Variants in GRIK1 observed in about 807,000 individuals in gnomAD.
GRIK1 encodes glutamate ionotropic receptor kainate type subunit 1.
In GRIK1, 69 loss-of-function variants were observed where a neutral mutation model predicts 105.7. The observed-to-expected ratio is 0.65, with a 90% CI of 0.54 to 0.80. GRIK1 has a LOEUF of 0.80. Among genes scored for constraint, GRIK1 ranks in the 30% least tolerant of loss-of-function variants. The pLI is 0.00. For missense variants in GRIK1, 1,109 were observed against 1,167.3 expected, an observed-to-expected ratio of 0.95 and a Z score of 0.73; for synonymous variants, 438 against 431.3, an observed-to-expected ratio of 1.02 and a Z score of -0.19.
rs60714322 is a variant in GRIK1, at chr21:29,759,361, G to T, written c.119-65298C>A. On this transcript the variant is annotated intron_variant, in intron 1 of 17. Transcript: ENST00000327783. ...CTCAAGTCTCCTGATCTCGTGATCC[G>T]CCCGCCTCGGCCTCCTAAAGTGCTG... Among the ~76,000 whole-genome samples the T allele has an allele frequency of 5.3e-4, 81 of 152,110 alleles. No homozygotes were observed. In the East Asian group the frequency reaches 0.011, roughly 21 times the overall value.
At chr21:29,842,859 A>C (rs2068017725) in intron 1 of GRIK1, among the ~76,000 whole-genome samples, 1 of 152,228 alleles carries the variant, frequency 6.6e-6, no homozygotes, top group African/African-American at 2.4e-5. Context: ...CAACACTCAC[A>C]GTTTAATACC....
At chr21:29,637,117 C>T (rs1366550884) in intron 7 of GRIK1, among the ~76,000 whole-genome samples, 2 of 152,148 alleles carry the variant, frequency 1.3e-5, no homozygotes, top group African/African-American at 4.8e-5. Context: ...AATGTGTTTG[C>T]ATTTTGGGGG....
intron 1 of GRIK1, among the ~76,000 whole-genome samples, chr21:29,759,857 A>T (rs2065462717): frequency 6.6e-6 from 1 of 152,236 alleles, no homozygotes; most frequent in Non-Finnish European, 1.5e-5. Flanking sequence ...GGTTTGTCCT[A>T]GGCTATCTCA....
intron 1 of GRIK1, among the ~76,000 whole-genome samples, chr21:29,701,601 GAGC>G: frequency 6.6e-6 from 1 of 152,292 alleles, no homozygotes; most frequent in South Asian, 2.1e-4. Flanking sequence ...GGCCATCTTT[GAGC>G]AGAGGAGTGA....
chr21:29,788,375 C>A (rs73897821), intron 1 of GRIK1, among the ~76,000 whole-genome samples: 2,535 of 152,122 alleles, frequency 0.017, 71 homozygotes, highest in African/African-American at 0.056. Context: ...ATGAGCAAGC[C>A]CAGAAGTCTT....
At chr21:29,848,073 GT>G (rs2068182174) in intron 1 of GRIK1, among the ~76,000 whole-genome samples, 1 of 144,858 alleles carries the variant, frequency 6.9e-6, no homozygotes, top group African/African-American at 2.5e-5. Flanking sequence ...ATTATTAAAA[GT>G]TTTTTTCTAA....
intron 3 of GRIK1, among the ~76,000 whole-genome samples, chr21:29,681,088 G>A (rs2063365781): frequency 6.6e-6 from 1 of 152,124 alleles, no homozygotes; most frequent in Non-Finnish European, 1.5e-5. Flanking sequence ...AGCCGAGATC[G>A]CACCACTGCA....
At position 29,647,288 on chromosome 21, in the gene GRIK1, G is replaced by A. The variant is rs78296615; in HGVS notation, c.954+3830C>T. Among the ~76,000 whole-genome samples, 1,158 of 152,318 alleles carry A rather than the reference G, an allele frequency of 7.6e-3. 6 individuals are homozygous for A. The highest frequency in any genetic ancestry group is 0.012 in the Non-Finnish European group (791 of 68,030). ...GGTGTTATTGTACAGATTTATGGAT[G>A]AGCAGACAAACTAAGAGAGGTTAAA... On this transcript the variant is annotated intron_variant, in intron 6 of 17. Coordinates refer to ENST00000327783, the MANE Select transcript of GRIK1 (RefSeq NM_001330994.2).
At chr21:29,758,176 C>G (rs944548111) in intron 1 of GRIK1, among the ~76,000 whole-genome samples, 8 of 152,128 alleles carry the variant, frequency 5.3e-5, no homozygotes, top group Non-Finnish European at 7.4e-5. Context: ...CATTGCATGC[C>G]AAAGAGGAAA....
chr21:29,572,464 C>T (rs928120818), intron 14 of GRIK1, among the ~76,000 whole-genome samples: 1 of 152,086 alleles, frequency 6.6e-6, no homozygotes, highest in Non-Finnish European at 1.5e-5. Context: ...CATTCACTCT[C>T]CCTCCCTCTC....
At chr21:29,740,506 G>A (rs941636469) in intron 1 of GRIK1, among the ~76,000 whole-genome samples, 3 of 152,126 alleles carry the variant, frequency 2.0e-5, no homozygotes, top group Admixed American at 6.5e-5. Flanking sequence ...GTGAGCCATC[G>A]TGCCTGGCCT....
intron 14 of GRIK1, among the ~76,000 whole-genome samples, chr21:29,569,673 G>A (rs991839002): frequency 1.1e-4 from 16 of 152,274 alleles, no homozygotes; most frequent in African/African-American, 3.8e-4. Flanking sequence ...GCTGCATACG[G>A]TTCTTAGACA....
Position 29,642,736 on chromosome 21 carries a change from C to T in GRIK1, c.1098+90G>A, listed in dbSNP as rs1329058003. 7.1e-6 allele frequency: 8 copies of T among 1,134,544 alleles called. No homozygotes were observed. In the East Asian group the frequency reaches 1.2e-4, roughly 17 times the overall value. 70.3% of individuals were successfully genotyped at this position (1,134,544 alleles called of 1,614,324 possible). ...CTTCCTCTCTCTTAGGGGCATCATG[C>T]CAGCAGAACCCTGTGGGGAGGACCA... On this transcript the variant is annotated intron_variant, in intron 7 of 17. Transcript: ENST00000327783.
intron 1 of GRIK1, among the ~76,000 whole-genome samples, chr21:29,708,452 A>G (rs537693428): frequency 2.8e-4 from 42 of 152,362 alleles, no homozygotes; most frequent in African/African-American, 9.6e-4. Context: ...ATTTATAATT[A>G]CAAATACATT....
intron 1 of GRIK1, among the ~76,000 whole-genome samples, chr21:29,868,416 T>C (rs2068899612): frequency 6.6e-6 from 1 of 152,182 alleles, no homozygotes. Flanking sequence ...TTGAGTAGAA[T>C]CCTGTTAGAA....
At chr21:29,751,299 A>T (rs892106991) in intron 1 of GRIK1, among the ~76,000 whole-genome samples, 1 of 152,152 alleles carries the variant, frequency 6.6e-6, no homozygotes, top group African/African-American at 2.4e-5. Context: ...AATAAGATAG[A>T]TAGGTTTTAA....
intron 16 of GRIK1, among the ~76,000 whole-genome samples, chr21:29,541,887 C>T (rs2089978769): frequency 6.6e-6 from 1 of 152,062 alleles, no homozygotes; most frequent in Non-Finnish European, 1.5e-5. Flanking sequence ...TTAAAAATTC[C>T]ATCTCTGTGC....
At chr21:29,832,339 A>T (rs745471228) in intron 1 of GRIK1, among the ~76,000 whole-genome samples, 3 of 152,076 alleles carry the variant, frequency 2.0e-5, no homozygotes, top group Non-Finnish European at 4.4e-5. Flanking sequence ...TCCACTAGGT[A>T]TTGCCCTGGT....
At position 29,663,362 on chromosome 21, in the gene GRIK1, T is replaced by C. The variant is rs538860864; in HGVS notation, c.727-8499A>G. Among the ~76,000 whole-genome samples, 5 of 152,284 alleles carry C rather than the reference T, an allele frequency of 3.3e-5. No homozygotes were observed. In the South Asian group the frequency reaches 1.0e-3, roughly 32 times the overall value. ...TCCACCTGCCAGAGTTTGTTAAGTT[T>C]CCTGTCTACCCGTGAGGGAGCCTCC... On this transcript the variant is annotated intron_variant, in intron 4 of 17. Transcript: ENST00000327783.
Sources: allele counts gnomAD v4.1 joint callset (sites outside exome capture counted in the v4.1 genomes callset), GRCh38; gene constraint gnomAD v4.1.1; transcripts MANE v1.5; gene names NCBI Gene and HGNC (gene_info 2026-07-23, HGNC 2026-07-21).